The following GLIS1 variants were observed in gnomAD, a reference collection of about 807,000 sequenced individuals.
GLIS1 encodes the protein GLIS family zinc finger 1.
In GLIS1, 24 loss-of-function variants were observed where a neutral mutation model predicts 63.8. The ratio of observed to expected loss-of-function variants is 0.38; its 90% CI spans 0.27 to 0.53. The LOEUF (loss-of-function observed/expected upper bound fraction) is 0.53. Among genes scored for constraint, GLIS1 ranks in the 20% least tolerant of loss-of-function variants. GLIS1 has a pLI of 0.85. For synonymous variants in GLIS1, 450 were observed against 482.5 expected (o/e 0.93, Z 0.88); for missense variants, 1,036 against 1,074.1 (o/e 0.96, Z 0.50).
chr1:53,573,751 G>C (rs1417176065), intron 4 of GLIS1, among the ~76,000 whole-genome samples: 2 of 152,216 alleles, frequency 1.3e-5, no homozygotes, highest in Non-Finnish European at 2.9e-5. Flanking sequence ...TCAGAAGCCA[G>C]GGTGTCAGGG....
intron 2 of GLIS1, among the ~76,000 whole-genome samples, chr1:53,666,888 CTA>C (rs1646099343): frequency 6.6e-6 from 1 of 152,190 alleles, no homozygotes; most frequent in South Asian, 2.1e-4. Flanking sequence ...TCAACCTGCC[CTA>C]GAACCAGGGA....
chr1:53,612,704 T>C (rs1469020179), intron 2 of GLIS1, among the ~76,000 whole-genome samples: 2 of 152,198 alleles, frequency 1.3e-5, no homozygotes, highest in Non-Finnish European at 2.9e-5. Flanking sequence ...TACCTACAGA[T>C]TGGCTAATGC....
rs542363357 is a variant in GLIS1, at chr1:53,528,230, A to G, written c.1482+1561T>C. On this transcript the variant is annotated intron_variant, in intron 5 of 10. Coordinates refer to ENST00000628545, the MANE Select transcript of GLIS1 (RefSeq NM_001367484.1). ...CATGTCCGTAGCACAGCCTGTGACA[A>G]TGAAGCTGAGAAGGGGAGGACTGTT... Among the ~76,000 whole-genome samples the G allele has an allele frequency of 1.1e-3, 171 of 152,318 alleles. 1 individual carries two copies. Among genetic ancestry groups the G allele is most frequent in the Middle Eastern group, 3.4e-3 (1 of 294 alleles).
intron 2 of GLIS1, among the ~76,000 whole-genome samples, chr1:53,709,774 T>C (rs1307189301): frequency 6.6e-6 from 1 of 151,988 alleles, no homozygotes; most frequent in East Asian, 1.9e-4. Flanking sequence ...TAGAGCAGAG[T>C]ACATGACAGG....
At chr1:53,675,114 G>C (rs368946473) in intron 2 of GLIS1, among the ~76,000 whole-genome samples, 1 of 152,194 alleles carries the variant, frequency 6.6e-6, no homozygotes, top group Non-Finnish European at 1.5e-5. Flanking sequence ...CTGGTTGTCT[G>C]CAGCCACCAG....
chr1:53,649,202 G>T (rs189461392), intron 2 of GLIS1, among the ~76,000 whole-genome samples: 1 of 152,162 alleles, frequency 6.6e-6, no homozygotes, highest in East Asian at 1.9e-4. Flanking sequence ...AAATATATAC[G>T]AATTATAAAA....
At chr1:53,599,822 C>A (rs1230757841) in intron 3 of GLIS1, among the ~76,000 whole-genome samples, 4 of 152,258 alleles carry the variant, frequency 2.6e-5, no homozygotes, top group African/African-American at 7.2e-5. Context: ...CCTTCCCCAA[C>A]CTACCCATGA....
chr1:53,585,737 T>C (rs1014811509), intron 4 of GLIS1, among the ~76,000 whole-genome samples: 18 of 152,162 alleles, frequency 1.2e-4, no homozygotes, highest in African/African-American at 3.9e-4. Context: ...AAGTGCCCTG[T>C]CTGTACTCAG....
intron 4 of GLIS1, among the ~76,000 whole-genome samples, chr1:53,587,967 C>T (rs917295041): frequency 6.6e-6 from 1 of 152,326 alleles, no homozygotes; most frequent in South Asian, 2.1e-4. Flanking sequence ...AATCCGACCC[C>T]ACCATGCATT....
intron 2 of GLIS1, among the ~76,000 whole-genome samples, chr1:53,709,168 C>T (rs74088213): frequency 0.02 from 3,088 of 152,038 alleles, 101 homozygotes; most frequent in African/African-American, 0.07. Flanking sequence ...TCTGTGTTTA[C>T]AGAAGTCAGA....
In GLIS1 at chr1:53,694,170, A is replaced by G. The variant is rs552778674; in HGVS notation, c.259+43636T>C. ...CCCAATCTGGGGTCAGGGCAGGTCT[A>G]GGATGGCCCTGAATGAGTTTGAAAG... On this transcript the variant is annotated intron_variant, in intron 2 of 10. Transcript: ENST00000628545. 2.0e-5 allele frequency among the ~76,000 whole-genome samples: 3 copies of G among 152,280 alleles called. No homozygotes were observed. In the South Asian group the frequency reaches 6.2e-4, roughly 32 times the overall value.
rs1442822892 is a variant in GLIS1 at position 53,574,091 on chromosome 1, G to A, written c.1320+20017C>T. 2.0e-5 allele frequency among the ~76,000 whole-genome samples: 3 copies of A among 152,160 alleles called. No homozygotes were observed. Among genetic ancestry groups the A allele is most frequent in the East Asian group, 1.9e-4 (1 of 5,184 alleles). On this transcript the variant is annotated intron_variant, in intron 4 of 10. Transcript: ENST00000628545. The surrounding 1 kb of genome is among the most constrained non-coding windows in gnomAD (Gnocchi z 4.2). ...CCAGGCACTCAGATGGCAGAACTCC[G>A]TGATCTGGGTGGGGCCTCACCACTC... is the stretch of plus-strand genomic sequence containing the variant.
At chr1:53,618,968 G>C (rs1311395594) in intron 2 of GLIS1, among the ~76,000 whole-genome samples, 1 of 152,202 alleles carries the variant, frequency 6.6e-6, no homozygotes, top group Non-Finnish European at 1.5e-5. Flanking sequence ...TCCCTTTTCT[G>C]TAAAACAAAC....
At chr1:53,623,687 A>G (rs1390337600) in intron 2 of GLIS1, among the ~76,000 whole-genome samples, 1 of 152,256 alleles carries the variant, frequency 6.6e-6, no homozygotes, top group Non-Finnish European at 1.5e-5. Context: ...TGCAAGATAT[A>G]ATAAAACATA....
chr1:53,623,408 A>G (rs78236469), intron 2 of GLIS1, among the ~76,000 whole-genome samples: 2,940 of 152,326 alleles, frequency 0.019, 93 homozygotes, highest in African/African-American at 0.067. Context: ...AATAAAGTAT[A>G]TCAATGATAA....
chr1:53,654,631 C>T (rs1391370940), intron 2 of GLIS1, among the ~76,000 whole-genome samples: 2 of 152,148 alleles, frequency 1.3e-5, no homozygotes, highest in African/African-American at 2.4e-5. Context: ...GAGGGGGAAA[C>T]TCGGAGAGCG....
intron 4 of GLIS1, among the ~76,000 whole-genome samples, chr1:53,584,155 C>T (rs1310285429): frequency 2.6e-5 from 4 of 152,220 alleles, no homozygotes; most frequent in Admixed American, 6.5e-5. Flanking sequence ...ACTAGCAACA[C>T]TAAATGTTAC....
chr1:53,581,460 G>A (rs1301424229), intron 4 of GLIS1, among the ~76,000 whole-genome samples: 4 of 152,174 alleles, frequency 2.6e-5, no homozygotes, highest in African/African-American at 9.7e-5. Context: ...TTTATCTGTT[G>A]ATCACATATT....
At chr1:53,699,315 C>T (rs1253132084) in intron 2 of GLIS1, among the ~76,000 whole-genome samples, 1 of 152,168 alleles carries the variant, frequency 6.6e-6, no homozygotes, top group African/African-American at 2.4e-5. Context: ...CCACCCACCT[C>T]GGCCTCCCAA....
Sources: gnomAD v4.1 joint callset for allele counts (sites outside exome capture counted in the v4.1 genomes callset) on GRCh38, gnomAD v4.1.1 for gene constraint, Gnocchi (gnomAD v3.1) non-coding constraint, MANE v1.5 for transcripts, NCBI Gene and HGNC (gene_info 2026-07-23, HGNC 2026-07-21) for gene names.